FHIP2B: variants seen among roughly 807,000 people sequenced by gnomAD.
FHIP2B encodes the protein FHF complex subunit HOOK-interacting protein 2B.
FHIP2B carries 72 observed loss-of-function variants against 84.0 expected under a neutral mutation model. That is an observed-to-expected ratio of 0.86 (90% CI 0.71 to 1.04). The LOEUF (loss-of-function observed/expected upper bound fraction) is 1.04. Among genes scored for constraint, FHIP2B ranks in the 50% least tolerant of loss-of-function variants. The pLI, the probability that FHIP2B is intolerant of heterozygous loss-of-function variation, is 0.00. For synonymous variants in FHIP2B, 497 were observed against 418.7 expected (o/e 1.19, Z -2.28); for missense variants, 972 against 968.9 (o/e 1.00, Z -0.04).
intron 7 of FHIP2B, 48 bp from the exon 8 acceptor site, chr8:22,098,900 T>A (rs1244403915): frequency 6.8e-7 from 1 of 1,478,770 alleles, no homozygotes; most frequent in Non-Finnish European, 9.3e-7. Flanking sequence ...AGGAAGACCT[T>A]GAAGCTCCTT....
At chr8:22,089,799 C>T (rs1472373321) in intron 1 of FHIP2B, 3 of 1,286,524 alleles carry the variant, frequency 2.3e-6, no homozygotes, top group South Asian at 2.5e-5. Flanking sequence ...GACGCCCTTC[C>T]CGTCACCCCG....
In FHIP2B at chr8:22,099,014, C is replaced by A. The variant is rs759499027; in HGVS notation, c.1032C>A (p.Gly344=). The A allele has an allele frequency of 2.7e-5, 43 of 1,607,950 alleles. No homozygotes were observed. In the Admixed American group the frequency reaches 7.1e-4, roughly 26 times the overall value. Residue 344 remains glycine, a synonymous_variant, in exon 8 of 17, where the codon GGC becomes GGA. Coordinates refer to ENST00000289921, the MANE Select transcript of FHIP2B (RefSeq NM_022749.7). ...AGGAGGCCTTGGCTGCCTTCTTGGG[C>A]TGGTTTGATTACTGCGACCACCTCA... is the stretch of plus-strand genomic sequence containing the variant. The part of the protein sequence containing the change: ...PGKEALAAFL[G]WFDYCDHLIT...
At position 22,096,324 on chromosome 8, in the gene FHIP2B, C is replaced by G; in HGVS notation, c.125-13C>G. ...CTTTACCCTACTCACCCTTGTTTCC[C>G]AAACATCATTAGATGAAAGCACCCC... On this transcript the variant is annotated splice_polypyrimidine_tract_variant and intron_variant, in intron 2 of 16. Coordinates refer to ENST00000289921, the MANE Select transcript of FHIP2B (RefSeq NM_022749.7). 1.3e-6 allele frequency: 2 copies of G among 1,538,766 alleles called. No individual in the cohort carries two copies. The highest frequency in any genetic ancestry group is 2.5e-5 in the East Asian group (1 of 40,724).
chr8:22,091,056 T>C (rs1028847372), intron 1 of FHIP2B, among the ~76,000 whole-genome samples: 1 of 151,990 alleles, frequency 6.6e-6, no homozygotes, highest in African/African-American at 2.4e-5. Flanking sequence ...GTCCGGGCGG[T>C]GTGGTTGGCC....
rs375585613 is a variant in FHIP2B at position 22,102,821 on chromosome 8, G to A, written c.2122G>A (p.Val708Met). The change falls in exon 17 of 17, where the codon GTG becomes ATG. Residue 708 changes from valine (V) to methionine (M), a missense_variant. By Grantham distance (21) the Val-to-Met change is conservative. Coordinates refer to ENST00000289921, the MANE Select transcript of FHIP2B (RefSeq NM_022749.7). ...GGACCACCAGACCCTCCTCCAGGGC[G>A]TGGTGGTGCTGGAGGAGTTCTGCAA... ...QLDHQTLLQGVVVLEEFCKEL... is the reference protein window; with the variant it reads ...QLDHQTLLQGMVVLEEFCKEL... The A allele has an allele frequency of 5.5e-5, 88 of 1,613,584 alleles. No homozygotes were observed. The African/African-American group carries it at 6.5e-4, about 12-fold the overall frequency.
In FHIP2B at chr8:22,101,841, T is replaced by A. The variant is rs375315137; in HGVS notation, c.1841T>A (p.Ile614Asn). The A allele has an allele frequency of 1.1e-5, 18 of 1,613,338 alleles. No individual in the cohort carries two copies. The highest frequency in any genetic ancestry group is 2.7e-5 in the African/African-American group (2 of 74,936). The stretch of plus-strand genomic sequence containing the variant: ...GTGCTGTTTGACCGCATGTCCCGGA[T>A]TCTGGATCAGGTAGCTAGTGGGCCT... ...LRVLFDRMSR[I>N]LDQPYSLNLQ... Residue 614 changes from isoleucine to asparagine, a missense_variant, in exon 14 of 17, where the codon ATT (isoleucine) becomes AAT (asparagine). Transcript: ENST00000289921.
chr8:22,097,857 G>A lies in FHIP2B; in HGVS notation c.525+18G>A, dbSNP rs771667696. On this transcript the variant is annotated intron_variant, in intron 5 of 16. Coordinates refer to ENST00000289921, the MANE Select transcript of FHIP2B (RefSeq NM_022749.7). ...TCCTGGAAGTGAGCACTCTGATCGG[G>A]AACAGGAGGGGGAGGGCCCAGAACC... The A allele has an allele frequency of 6.2e-7, 1 of 1,610,050 alleles. No homozygotes were observed. The highest frequency in any genetic ancestry group is 8.5e-7 in the Non-Finnish European group (1 of 1,177,616).
intron 1 of FHIP2B, 71 bp downstream of exon 1, chr8:22,089,369 C>A (rs966289739): frequency 3.3e-6 from 3 of 915,796 alleles, no homozygotes; most frequent in Non-Finnish European, 3.9e-6. Context: ...GGCGCGGAGC[C>A]GGGCGCGGCC....
At chr8:22,092,665 T>A (rs1456887105) in intron 1 of FHIP2B, among the ~76,000 whole-genome samples, 1 of 151,766 alleles carries the variant, frequency 6.6e-6, no homozygotes, top group Non-Finnish European at 1.5e-5. Context: ...CTTCTTGGCT[T>A]GGCATTAGAG....
Position 22,104,149 on chromosome 8 carries a change from C to T in FHIP2B, c.*1218C>T, listed in dbSNP as rs796073414. On this transcript the variant is annotated 3_prime_UTR_variant, in exon 17 of 17. Coordinates refer to ENST00000289921, the MANE Select transcript of FHIP2B (RefSeq NM_022749.7). ...TCTGCCTCTCCCACATTCCTCCCCG[C>T]GGGGGAGGACCTCGCCGCTCTGAAG... 3.9e-5 allele frequency: 6 copies of T among 152,462 alleles called. No homozygotes were observed. The highest frequency in any genetic ancestry group is 1.4e-4 in the African/African-American group (6 of 41,572). The allele number at this position is 152,462 out of a possible 1,614,324, so 9.4% of individuals were successfully genotyped here.
intron 10 of FHIP2B, 145 bp from the exon 11 acceptor site, chr8:22,100,449 A>C (rs1335809388): frequency 7.4e-6 from 6 of 816,264 alleles, no homozygotes; most frequent in South Asian, 3.9e-5. Context: ...CCCCCCAACT[A>C]CCCCCAAAAC....
chr8:22,101,034 G>C, intron 12 of FHIP2B, 62 bp downstream of exon 12: 1 of 1,535,096 alleles, frequency 6.5e-7, no homozygotes, highest in East Asian at 2.5e-5. Context: ...TTTATTTTTT[G>C]AGATAGAGTC....
rs769839413 is a variant in FHIP2B at position 22,099,911 on chromosome 8, C to T, written c.1341+18C>T. On this transcript the variant is annotated intron_variant, in intron 10 of 16. Transcript: ENST00000289921. ...CTGATGAGGTACAGTGGGGGACCTCCATCTCTGTTCCTCTCACCACCCCTG... is the reference window on the plus strand; with the variant it reads ...CTGATGAGGTACAGTGGGGGACCTCTATCTCTGTTCCTCTCACCACCCCTG... The T allele has an allele frequency of 1.9e-6, 3 of 1,582,560 alleles. No homozygotes were observed. The highest frequency in any genetic ancestry group is 2.7e-5 in the African/African-American group (2 of 73,604).
At chr8:22,094,348 T>G in intron 1 of FHIP2B, 92 bp from the exon 2 acceptor site, 1 of 1,337,790 alleles carries the variant, frequency 7.5e-7, no homozygotes, top group African/African-American at 1.5e-5. Context: ...AGGCCTAGCA[T>G]GAACCTGACA....
In FHIP2B at chr8:22,094,522, C is replaced by G. The variant is rs376462849; in HGVS notation, c.124+4C>G. ...CACTACTACATCGAGAGCACAGGTGCGGCCTGGCCCTCCCCAGCCCAGGGA... is the reference window on the plus strand; with the variant it reads ...CACTACTACATCGAGAGCACAGGTGGGGCCTGGCCCTCCCCAGCCCAGGGA... On this transcript the variant is annotated splice_donor_region_variant and intron_variant, in intron 2 of 16. Coordinates refer to ENST00000289921, the MANE Select transcript of FHIP2B (RefSeq NM_022749.7). 45 of 1,609,410 alleles carry G rather than the reference C, an allele frequency of 2.8e-5. No homozygotes were observed. Among genetic ancestry groups the G allele is most frequent in the Middle Eastern group, 1.6e-4 (1 of 6,072 alleles).
intron 1 of FHIP2B, among the ~76,000 whole-genome samples, chr8:22,093,195 C>T (rs1825584748): frequency 6.6e-6 from 1 of 152,096 alleles, no homozygotes; most frequent in South Asian, 2.1e-4. Flanking sequence ...ATACAGAGCA[C>T]CTTGGGCAGA....
At position 22,100,889 on chromosome 8, in the gene FHIP2B, C is replaced by G; in HGVS notation, c.1533C>G (p.Ser511=). ...ACTTCACCGACAGCTTCCTGGATTC[C>G]GGCTTTCAAACTCCCGCAAAGCCTC... The part of the protein sequence containing the change: ...DPYFTDSFLD[S]GFQTPAKPRL... Residue 511 remains serine, a synonymous_variant, in exon 12 of 17, where the codon TCC becomes TCG. Coordinates refer to ENST00000289921, the MANE Select transcript of FHIP2B (RefSeq NM_022749.7). 1 of 1,613,908 alleles carries G rather than the reference C, an allele frequency of 6.2e-7. No homozygotes were observed. Among genetic ancestry groups the G allele is most frequent in the Non-Finnish European group, 8.5e-7 (1 of 1,179,894 alleles).
In FHIP2B at chr8:22,103,171, T is replaced by A. The variant is rs565246232; in HGVS notation, c.*240T>A. On this transcript the variant is annotated 3_prime_UTR_variant, in exon 17 of 17. Coordinates refer to ENST00000289921, the MANE Select transcript of FHIP2B (RefSeq NM_022749.7). Reference sequence around the variant, plus strand: ...GTCCTTGGGGCCTTCTTGGAGGAGCTTGGGTGACAGCCAGGTGAGCACCCA... The same window carrying A: ...GTCCTTGGGGCCTTCTTGGAGGAGCATGGGTGACAGCCAGGTGAGCACCCA... 1.8e-6 allele frequency: 1 copy of A among 560,938 alleles called. No individual in the cohort carries two copies. Among genetic ancestry groups the A allele is most frequent in the African/African-American group, 1.9e-5 (1 of 53,036 alleles). 34.7% of individuals were successfully genotyped at this position (560,938 alleles called of 1,614,324 possible). A position where few individuals can be genotyped will look rare whatever the true frequency, so the allele number is the denominator to read the frequency against.
chr8:22,101,551 G>T, intron 13 of FHIP2B, 21 bp downstream of exon 13: 1 of 1,603,948 alleles, frequency 6.2e-7, no homozygotes, highest in African/African-American at 1.3e-5. Context: ...CCTGCTACCA[G>T]CTCCCACTTC....
Sources: allele counts gnomAD v4.1 joint callset (sites outside exome capture counted in the v4.1 genomes callset), GRCh38; gene constraint gnomAD v4.1.1; transcripts MANE v1.5; gene names NCBI Gene and HGNC (gene_info 2026-07-23, HGNC 2026-07-21).